Variants in DPYSL2 observed in about 807,000 individuals in gnomAD.
The protein encoded by DPYSL2 is dihydropyrimidinase-related protein 2.
DPYSL2 carries 13 observed loss-of-function variants against 69.9 expected under a neutral mutation model. That is an observed-to-expected ratio of 0.19 (90% CI 0.12 to 0.30). DPYSL2 has a LOEUF of 0.30. DPYSL2 is among the 10% of genes least tolerant of loss of function. DPYSL2 has a pLI of 1.00. For missense variants in DPYSL2, 587 were observed against 918.9 expected, an observed-to-expected ratio of 0.64 and a Z score of 4.67; for synonymous variants, 326 against 359.1, an observed-to-expected ratio of 0.91 and a Z score of 1.04.
chr8:26,582,166 A>C lies in DPYSL2; in HGVS notation c.443+109A>C. 1 of 823,654 alleles carries C rather than the reference A, an allele frequency of 1.2e-6. No homozygotes were observed. The allele number at this position is 823,654 out of a possible 1,614,324, so 51.0% of individuals were successfully genotyped here. On this transcript the variant is annotated intron_variant, in intron 2 of 13. Transcript: ENST00000521913. This position sits in a 1 kb window ranked among gnomAD's most constrained non-coding sequence, Gnocchi z 4.1. Reference sequence around the variant, plus strand: ...CAAACTTCAGGAACATCAGAGAGTGACCAACTTAGTATCTGTTTTAAACTG... The same window carrying C: ...CAAACTTCAGGAACATCAGAGAGTGCCCAACTTAGTATCTGTTTTAAACTG...
chr8:26,615,298 A>G (rs979683983), intron 3 of DPYSL2, among the ~76,000 whole-genome samples: 1 of 152,192 alleles, frequency 6.6e-6, no homozygotes, highest in Non-Finnish European at 1.5e-5. Context: ...GGTTTTTACT[A>G]TGACTCTCAC....
At chr8:26,633,559 C>T (rs1405433650) in intron 7 of DPYSL2, among the ~76,000 whole-genome samples, 1 of 152,230 alleles carries the variant, frequency 6.6e-6, no homozygotes, top group African/African-American at 2.4e-5. Context: ...CCTCCGCCTC[C>T]TGGGTTCCAG....
intron 10 of DPYSL2, among the ~76,000 whole-genome samples, chr8:26,646,964 C>T (rs1803178556): frequency 6.6e-6 from 1 of 150,876 alleles, no homozygotes; most frequent in South Asian, 2.1e-4. Context: ...GCCTCAATGA[C>T]AGCAAGACCC....
At chr8:26,540,588 G>A (rs568567134) in intron 1 of DPYSL2, among the ~76,000 whole-genome samples, 6 of 152,290 alleles carry the variant, frequency 3.9e-5, no homozygotes, top group Non-Finnish European at 8.8e-5. Flanking sequence ...TAAACCCATT[G>A]TAAGTTGAAC....
At chr8:26,606,356 G>C (rs1225798466) in intron 3 of DPYSL2, among the ~76,000 whole-genome samples, 20 of 152,096 alleles carry the variant, frequency 1.3e-4, no homozygotes, top group Admixed American at 1.3e-3. Flanking sequence ...AGAAAATACA[G>C]ATGAAAAGCC....
rs1803392711 is a variant in DPYSL2 at position 26,656,439 on chromosome 8, C to A, written c.*733C>A. On this transcript the variant is annotated 3_prime_UTR_variant, in exon 14 of 14. Transcript: ENST00000521913. Reference sequence around the variant, plus strand: ...CTGCAGATTAAATCCTTTGAGGATTCTCTTCTCTTTTACCATTTTTCTGCG... The same window carrying A: ...CTGCAGATTAAATCCTTTGAGGATTATCTTCTCTTTTACCATTTTTCTGCG... 6.6e-6 allele frequency: 1 copy of A among 152,504 alleles called. No individual in the cohort carries two copies. The highest frequency in any genetic ancestry group is 1.5e-5 in the Non-Finnish European group (1 of 68,028). 9.4% of individuals were successfully genotyped at this position (152,504 alleles called of 1,614,324 possible). A position where few individuals can be genotyped will look rare whatever the true frequency, so the allele number is the denominator to read the frequency against.
At chr8:26,632,247 C>T (rs1585560944) in intron 7 of DPYSL2, among the ~76,000 whole-genome samples, 1 of 152,248 alleles carries the variant, frequency 6.6e-6, no homozygotes, top group Non-Finnish European at 1.5e-5. Context: ...CGTGACAATC[C>T]GGGCAGTGCC....
chr8:26,572,182 G>A (rs917764138), intron 1 of DPYSL2, among the ~76,000 whole-genome samples: 4 of 152,200 alleles, frequency 2.6e-5, no homozygotes, highest in East Asian at 1.9e-4. Context: ...TTGCACTAAC[G>A]CAGAGACCCA....
chr8:26,531,099 G>A (rs565586648), intron 1 of DPYSL2, among the ~76,000 whole-genome samples: 5 of 150,676 alleles, frequency 3.3e-5, no homozygotes, highest in African/African-American at 1.2e-4. Context: ...GAGCTCAGCT[G>A]CTATGACCTA....
intron 1 of DPYSL2, among the ~76,000 whole-genome samples, chr8:26,526,771 C>T (rs188326440): frequency 1.3e-5 from 2 of 152,322 alleles, no homozygotes; most frequent in East Asian, 3.9e-4. Flanking sequence ...TGGGTTTGTG[C>T]CTTGTTGCAG....
rs780365778 is a variant in DPYSL2, at chr8:26,652,296, G to A, written c.1636G>A (p.Gly546Ser). 15 of 1,613,988 alleles carry A rather than the reference G, an allele frequency of 9.3e-6. No homozygotes were observed. Among genetic ancestry groups the A allele is most frequent in the Admixed American group, 6.7e-5 (4 of 59,986 alleles). Reference sequence around the variant, plus strand: ...CATCTTTGAAGGCATGGAGTGCCGCGGCTCCCCACTGGTGGTCATCAGCCA... The same window carrying A: ...CATCTTTGAAGGCATGGAGTGCCGCAGCTCCCCACTGGTGGTCATCAGCCA... ...YNIFEGMECRGSPLVVISQGK... is the reference protein window; with the variant it reads ...YNIFEGMECRSSPLVVISQGK... The change falls in exon 12 of 14, where the codon GGC becomes AGC. Residue 546 changes from glycine to serine, a missense_variant. Transcript: ENST00000521913. This position sits in a 1 kb window ranked among gnomAD's most constrained non-coding sequence, Gnocchi z 6.3.
intron 7 of DPYSL2, among the ~76,000 whole-genome samples, chr8:26,633,915 G>A (rs369916644): frequency 4.6e-5 from 7 of 152,254 alleles, no homozygotes; most frequent in Admixed American, 1.3e-4. Context: ...GGCCCACTCC[G>A]TTCCTAGAGC....
intron 1 of DPYSL2, among the ~76,000 whole-genome samples, chr8:26,567,722 G>A (rs1188095221): frequency 6.6e-6 from 1 of 152,226 alleles, no homozygotes; most frequent in Non-Finnish European, 1.5e-5. Flanking sequence ...GGAGAGGCAG[G>A]CATGTGAGCA....
rs1043530483 is a variant in DPYSL2, at chr8:26,588,609, A to T, written c.628+4626A>T. On this transcript the variant is annotated intron_variant, in intron 3 of 13. Transcript: ENST00000521913. The surrounding 1 kb of genome is among the most constrained non-coding windows in gnomAD (Gnocchi z 5.4). ...CCCTGGGTAGCACCGCACAGCAGAG[A>T]TGGGGACTGGACTCTAGCAGGGAGG... is the stretch of plus-strand genomic sequence containing the variant. 3.3e-5 allele frequency among the ~76,000 whole-genome samples: 5 copies of T among 152,090 alleles called. No individual in the cohort carries two copies. In the South Asian group the frequency reaches 6.2e-4, roughly 19 times the overall value.
chr8:26,639,499 A>T (rs1278670986), intron 8 of DPYSL2, among the ~76,000 whole-genome samples: 2 of 152,148 alleles, frequency 1.3e-5, no homozygotes, highest in East Asian at 3.9e-4. Context: ...CCAGGATGAG[A>T]TCCTACTTCT....
rs558389132 is a variant in DPYSL2 at position 26,611,738 on chromosome 8, G to A, written c.629-12405G>A. Among the ~76,000 whole-genome samples, 141 of 152,300 alleles carry A rather than the reference G, an allele frequency of 9.3e-4. 1 individual carries two copies. Among genetic ancestry groups the A allele is most frequent in the African/African-American group, 3.2e-3 (134 of 41,558 alleles). On this transcript the variant is annotated intron_variant, in intron 3 of 13. Coordinates refer to ENST00000521913, the MANE Select transcript of DPYSL2 (RefSeq NM_001197293.3). The stretch of plus-strand genomic sequence containing the variant: ...TCTCCTTGCCTTCCCCCCAGGCCAC[G>A]ATTTCGTCATCCTGCTTTACGGATG...
In DPYSL2 at chr8:26,610,163, T is replaced by A. The variant is rs1413546237; in HGVS notation, c.629-13980T>A. Among the ~76,000 whole-genome samples, 1 of 152,246 alleles carries A rather than the reference T, an allele frequency of 6.6e-6. No individual in the cohort carries two copies. The highest frequency in any genetic ancestry group is 1.5e-5 in the Non-Finnish European group (1 of 68,046). On this transcript the variant is annotated intron_variant, in intron 3 of 13. Transcript: ENST00000521913. This position sits in a 1 kb window ranked among gnomAD's most constrained non-coding sequence, Gnocchi z 4.5. ...GTGGGATCTGCAAGAGCCTGTAGCG[T>A]CAGGTTTCTTTCCTTTTGATTGGGA...
At position 26,565,613 on chromosome 8, in the gene DPYSL2, C is replaced by A. The variant is rs578113609; in HGVS notation, c.355-16356C>A. 2.9e-4 allele frequency among the ~76,000 whole-genome samples: 44 copies of A among 152,248 alleles called. No homozygotes were observed. Among genetic ancestry groups the A allele is most frequent in the African/African-American group, 8.2e-4 (34 of 41,554 alleles). On this transcript the variant is annotated intron_variant, in intron 1 of 13. Coordinates refer to ENST00000521913, the MANE Select transcript of DPYSL2 (RefSeq NM_001197293.3). This position sits in a 1 kb window ranked among gnomAD's most constrained non-coding sequence, Gnocchi z 4.1. ...GTGTATTTCACACAAATTTTAAATT[C>A]AAACAGGATTAAGTTAGGAGTTGTG...
At chr8:26,581,184 G>T (rs1801484001) in intron 1 of DPYSL2, among the ~76,000 whole-genome samples, 1 of 152,110 alleles carries the variant, frequency 6.6e-6, no homozygotes, top group Admixed American at 6.5e-5. Flanking sequence ...ATATTGAATG[G>T]AAACCTTGCT....
Sources: gnomAD v4.1 joint callset for allele counts (sites outside exome capture counted in the v4.1 genomes callset) on GRCh38, gnomAD v4.1.1 for gene constraint, Gnocchi (gnomAD v3.1) non-coding constraint, MANE v1.5 for transcripts, NCBI Gene and HGNC (gene_info 2026-07-23, HGNC 2026-07-21) for gene names.